STOM: variants seen among roughly 807,000 people sequenced by gnomAD.
STOM encodes erythrocyte band 7 integral membrane protein.
Under a neutral mutation model 30.6 loss-of-function variants are expected in STOM, and 25 were observed. That is an observed-to-expected ratio of 0.82 (90% CI 0.60 to 1.14). STOM has a LOEUF of 1.14. Ranked by LOEUF, STOM falls within the 50% of genes most tolerant of loss-of-function variation. STOM has a pLI of 0.00. For missense variants in STOM, 292 were observed against 365.2 expected, an observed-to-expected ratio of 0.80 and a Z score of 1.63; for synonymous variants, 118 against 130.8, an observed-to-expected ratio of 0.90 and a Z score of 0.67.
At chr9:121,367,004 T>G (rs1434688609) in intron 1 of STOM, among the ~76,000 whole-genome samples, 1 of 151,842 alleles carries the variant, frequency 6.6e-6, no homozygotes, top group East Asian at 1.9e-4. Flanking sequence ...GGAGGATCAC[T>G]TGAGGCTACA....
chr9:121,364,347 C>T (rs1448793117), intron 1 of STOM, among the ~76,000 whole-genome samples: 2 of 152,102 alleles, frequency 1.3e-5, no homozygotes, highest in South Asian at 2.1e-4. Flanking sequence ...TTCGAATGCC[C>T]TTATCCTTAA....
chr9:121,342,821 T>A (rs1484083823), intron 6 of STOM, among the ~76,000 whole-genome samples: 1 of 152,236 alleles, frequency 6.6e-6, no homozygotes, highest in Non-Finnish European at 1.5e-5. Context: ...ATAGTTTTTC[T>A]AAATTCTGTA....
At chr9:121,341,446 A>C in intron 6 of STOM, 38 bp from the exon 7 acceptor site, 2 of 1,611,186 alleles carry the variant, frequency 1.2e-6, no homozygotes, top group South Asian at 2.2e-5. Context: ...ACTGGAGAAA[A>C]CCTCATGGGG....
intron 4 of STOM, 70 bp downstream of exon 4, chr9:121,353,150 C>CT (rs746292899): frequency 1.5e-5 from 12 of 779,856 alleles, no homozygotes; most frequent in Non-Finnish European, 2.2e-5. Flanking sequence ...AGCCTACACT[C>CT]TAACTATTCT....
At chr9:121,350,515 C>G (rs2064330081) in intron 4 of STOM, among the ~76,000 whole-genome samples, 1 of 152,164 alleles carries the variant, frequency 6.6e-6, no homozygotes, top group Admixed American at 6.5e-5. Context: ...GAGAGAGGAG[C>G]TGAACTGAAA....
intron 1 of STOM, among the ~76,000 whole-genome samples, chr9:121,358,223 G>A (rs1026347043): frequency 5.3e-5 from 8 of 152,048 alleles, no homozygotes; most frequent in Non-Finnish European, 1.0e-4. Flanking sequence ...TTGGGAGGCC[G>A]AGATGGGAGG....
At chr9:121,342,168 G>A (rs1013280264) in intron 6 of STOM, among the ~76,000 whole-genome samples, 2 of 152,058 alleles carry the variant, frequency 1.3e-5, no homozygotes, top group Admixed American at 6.6e-5. Flanking sequence ...TCAGGAGTTC[G>A]AGACCAGCCT....
intron 6 of STOM, among the ~76,000 whole-genome samples, chr9:121,343,554 G>A (rs953480197): frequency 2.6e-5 from 4 of 152,158 alleles, no homozygotes; most frequent in East Asian, 1.9e-4. Flanking sequence ...AGAGGGTGAC[G>A]TGGTGAGGTT....
At position 121,341,001 on chromosome 9, in the gene STOM, C is replaced by T. The variant is rs1228988078; in HGVS notation, c.*201G>A. 7.0e-7 allele frequency: 1 copy of T among 1,419,374 alleles called. No individual in the cohort carries two copies. Among genetic ancestry groups the T allele is most frequent in the African/African-American group, 1.4e-5 (1 of 69,350 alleles). 87.9% of individuals were successfully genotyped at this position (1,419,374 alleles called of 1,614,324 possible). On this transcript the variant is annotated 3_prime_UTR_variant, in exon 7 of 7. Coordinates refer to ENST00000286713, the MANE Select transcript of STOM (RefSeq NM_004099.6). Reference sequence around the variant, plus strand: ...ATACAAACTTTTAACTATTTTAAGACTAACAGATTACCTTATATAAATCAC... The same window carrying T: ...ATACAAACTTTTAACTATTTTAAGATTAACAGATTACCTTATATAAATCAC...
intron 1 of STOM, among the ~76,000 whole-genome samples, chr9:121,360,833 T>C (rs981418928): frequency 6.6e-6 from 1 of 152,230 alleles, no homozygotes; most frequent in African/African-American, 2.4e-5. Context: ...CAGATGTGTA[T>C]ATGGGATTGC....
At chr9:121,345,377 C>T (rs993832392) in intron 6 of STOM, among the ~76,000 whole-genome samples, 3 of 152,190 alleles carry the variant, frequency 2.0e-5, no homozygotes, top group Non-Finnish European at 4.4e-5. Flanking sequence ...TCTAGTGTGA[C>T]ATCCGCTTAT....
intron 2 of STOM, among the ~76,000 whole-genome samples, chr9:121,355,724 A>T (rs540222725): frequency 2.6e-5 from 4 of 152,192 alleles, no homozygotes; most frequent in Non-Finnish European, 5.9e-5. Flanking sequence ...AGGTCACACA[A>T]TAAACAGTAA....
In STOM at chr9:121,349,360, G is replaced by A. The variant is rs184717968; in HGVS notation, c.322-37C>T. ...AGGAAGCAATTTTACATCTGTCAAC[G>A]ACTTTTTTTTAACATAACTGTAAGG... On this transcript the variant is annotated intron_variant, in intron 4 of 6. Coordinates refer to ENST00000286713, the MANE Select transcript of STOM (RefSeq NM_004099.6). The A allele has an allele frequency of 4.0e-5, 64 of 1,589,568 alleles. 1 individual carries two copies. In the East Asian group the frequency reaches 4.7e-4, roughly 12 times the overall value.
chr9:121,355,231 C>CAAAA (rs762080105), intron 2 of STOM, among the ~76,000 whole-genome samples: 53 of 83,404 alleles, frequency 6.4e-4, no homozygotes, highest in African/African-American at 1.5e-3. Flanking sequence ...GACTCCGTCT[C>CAAAA]AAAAAAAAAA....
chr9:121,368,826 G>T (rs1200315989), intron 1 of STOM, among the ~76,000 whole-genome samples: 1 of 151,802 alleles, frequency 6.6e-6, no homozygotes, highest in African/African-American at 2.4e-5. Context: ...TGTAATCCCA[G>T]CTACTTGGGA....
At chr9:121,354,113 A>C (rs1242726426) in intron 3 of STOM, among the ~76,000 whole-genome samples, 4 of 152,220 alleles carry the variant, frequency 2.6e-5, no homozygotes, top group African/African-American at 9.7e-5. Flanking sequence ...GCTTAATTGA[A>C]GTTTGCCAAA....
chr9:121,357,451 ATTTT>A (rs2064405218), intron 1 of STOM, among the ~76,000 whole-genome samples: 1 of 144,988 alleles, frequency 6.9e-6, no homozygotes, highest in Non-Finnish European at 1.5e-5. Context: ...TTATTTATTT[ATTTT>A]TTGAGACAGA....
chr9:121,348,050 C>T lies in STOM; in HGVS notation c.625G>A (p.Ala209Thr). ...LPVQLQRAMA[A>T]EAEASREARA... ...GCCTCGCGGGACGCTTCTGCTTCTG[C>T]AGCCATAGCTCTCTGGAGCTGCACA... The change falls in exon 6 of 7, where the codon GCA becomes ACA. Residue 209 changes from alanine (A) to threonine (T), a missense_variant. Coordinates refer to ENST00000286713, the MANE Select transcript of STOM (RefSeq NM_004099.6). 1 of 1,614,172 alleles carries T rather than the reference C, an allele frequency of 6.2e-7. No individual in the cohort carries two copies. The highest frequency in any genetic ancestry group is 1.1e-5 in the South Asian group (1 of 91,076).
intron 1 of STOM, among the ~76,000 whole-genome samples, chr9:121,364,033 CAAA>C (rs1312751248): frequency 6.6e-6 from 1 of 151,236 alleles, no homozygotes; most frequent in African/African-American, 2.4e-5. Context: ...GAGAAAAAGA[CAAA>C]GAAGGGAAGG....
Sources: gnomAD v4.1 joint callset for allele counts (sites outside exome capture counted in the v4.1 genomes callset) on GRCh38, gnomAD v4.1.1 for gene constraint, MANE v1.5 for transcripts, NCBI Gene and HGNC (gene_info 2026-07-23, HGNC 2026-07-21) for gene names.